Variants in LSP1 observed in about 807,000 individuals in gnomAD.
LSP1 encodes lymphocyte-specific protein 1.
In LSP1, 32 loss-of-function variants were observed where a neutral mutation model predicts 49.3. The ratio of observed to expected loss-of-function variants is 0.65; its 90% confidence interval spans 0.49 to 0.87. LSP1 has a LOEUF of 0.87. Among genes scored for constraint, LSP1 ranks in the 40% least tolerant of loss-of-function variants. LSP1 has a pLI of 0.00. For synonymous variants in LSP1, 179 were observed against 178.8 expected (o/e 1.00, Z -0.01); for missense variants, 428 against 442.6 (o/e 0.97, Z 0.30).
chr11:1,856,694 C>A (rs933738672), intron 1 of LSP1, among the ~76,000 whole-genome samples: 4 of 152,236 alleles, frequency 2.6e-5, no homozygotes, highest in African/African-American at 9.6e-5. Context: ...CCCCCGGCAG[C>A]CCCCTGGAAG....
chr11:1,878,630 G>A (rs1449159942), intron 1 of LSP1, among the ~76,000 whole-genome samples: 2 of 152,118 alleles, frequency 1.3e-5, no homozygotes, highest in Non-Finnish European at 2.9e-5. Context: ...ATTAGATCAC[G>A]CGCTGGCAGG....
chr11:1,876,576 A>G (rs545935710), intron 1 of LSP1: 28 of 985,560 alleles, frequency 2.8e-5, no homozygotes, highest in Middle Eastern at 5.2e-4. Flanking sequence ...AGCTGCCTGC[A>G]GGGGGCAGAG....
At position 1,862,608 on chromosome 11, in the gene LSP1, G is replaced by A. The variant is rs555805055; in HGVS notation, c.53+9411G>A. On this transcript the variant is annotated intron_variant, in intron 1 of 10. Transcript: ENST00000311604. ...CCAGGTAATCTCACCTTACCTGGGT[G>A]ATCTGTCCTCCCTGAGTGATCTCAG... Among the ~76,000 whole-genome samples the A allele has an allele frequency of 5.9e-5, 9 of 152,182 alleles. 1 individual carries two copies. In the South Asian group the frequency reaches 1.9e-3, roughly 32 times the overall value.
chr11:1,875,108 G>T (rs180792422), intron 1 of LSP1, among the ~76,000 whole-genome samples: 1 of 151,334 alleles, frequency 6.6e-6, no homozygotes, highest in Non-Finnish European at 1.5e-5. Context: ...AAGCCCATGG[G>T]GGGCAGAGCC....
intron 2 of LSP1, among the ~76,000 whole-genome samples, chr11:1,880,522 C>A (rs1318117390): frequency 2.0e-5 from 3 of 152,152 alleles, no homozygotes; most frequent in Non-Finnish European, 4.4e-5. Flanking sequence ...CCTGGCCGAG[C>A]CCCCCACCAG....
intron 10 of LSP1, chr11:1,888,776 A>C: frequency 4.8e-6 from 1 of 207,774 alleles, no homozygotes; most frequent in Non-Finnish European, 9.5e-6. Flanking sequence ...AAAAGGGAGG[A>C]TCAGTGAGAG....
chr11:1,890,433 A>G (rs1241028828), intron 10 of LSP1: 2 of 717,014 alleles, frequency 2.8e-6, no homozygotes, highest in African/African-American at 3.5e-5. Context: ...TGTGCCTCCC[A>G]TCATCTTCTT....
intron 1 of LSP1, among the ~76,000 whole-genome samples, chr11:1,857,159 C>A (rs1364857423): frequency 3.3e-5 from 5 of 152,208 alleles, no homozygotes; most frequent in African/African-American, 1.2e-4. Flanking sequence ...TCCACCGACA[C>A]CCAGCTGGGC....
At chr11:1,856,393 A>T (rs1387394127) in intron 1 of LSP1, among the ~76,000 whole-genome samples, 2 of 152,318 alleles carry the variant, frequency 1.3e-5, no homozygotes, top group East Asian at 3.9e-4. Flanking sequence ...GAGCCCTGGC[A>T]CATGCCCCTC....
chr11:1,891,377 A>C (rs896710654), intron 10 of LSP1: 2 of 152,418 alleles, frequency 1.3e-5, no homozygotes, highest in South Asian at 2.1e-4. Flanking sequence ...CTGCCAAGGC[A>C]AGAACAGAGC....
At chr11:1,885,640 G>A (rs191345520) in intron 7 of LSP1, among the ~76,000 whole-genome samples, 26 of 150,738 alleles carry the variant, frequency 1.7e-4, no homozygotes, top group African/African-American at 6.1e-4. Flanking sequence ...ATCTAATCAG[G>A]ACATCTCCAT....
rs577254760 is a variant in LSP1 at position 1,854,518 on chromosome 11, G to A, written c.53+1321G>A. On this transcript the variant is annotated intron_variant, in intron 1 of 10. Transcript: ENST00000311604. The stretch of plus-strand genomic sequence containing the variant: ...TTGCTGTGGGTCTGGTATGTGTGAG[G>A]GGTCTGCATCTCTGACTTCTTGCTG... Among the ~76,000 whole-genome samples the A allele has an allele frequency of 3.9e-5, 6 of 152,304 alleles. No homozygotes were observed. The East Asian group carries it at 1.2e-3, about 29-fold the overall frequency.
chr11:1,891,622 TCTC>T (rs1162782157), intron 10 of LSP1, 148 bp from the exon 11 acceptor site: 1 of 153,116 alleles, frequency 6.5e-6, no homozygotes, highest in Non-Finnish European at 1.5e-5. Flanking sequence ...CAGGACGTCT[TCTC>T]CTGTGGTGGA....
At chr11:1,890,417 G>T in intron 10 of LSP1, 1 of 717,200 alleles carries the variant, frequency 1.4e-6, no homozygotes, top group Non-Finnish European at 2.6e-6. Flanking sequence ...TGGGTGGAGC[G>T]AGGTGTGTGC....
chr11:1,869,230 G>A (rs12225589), intron 1 of LSP1: 3,513 of 232,926 alleles, frequency 0.015, 207 homozygotes, highest in Admixed American at 0.11. Flanking sequence ...TGGTGCTTGC[G>A]GAGGTGAGAT....
intron 1 of LSP1, among the ~76,000 whole-genome samples, chr11:1,861,800 T>C (rs1411318959): frequency 6.6e-6 from 1 of 150,870 alleles, no homozygotes; most frequent in Non-Finnish European, 1.5e-5. Context: ...GATAGATGGA[T>C]GGATGAATAG....
At chr11:1,853,889 G>A (rs547817863) in intron 1 of LSP1, among the ~76,000 whole-genome samples, 5 of 152,288 alleles carry the variant, frequency 3.3e-5, no homozygotes, top group African/African-American at 1.2e-4. Flanking sequence ...GCCTCCTAGC[G>A]GGCAGCTGTA....
intron 1 of LSP1, among the ~76,000 whole-genome samples, chr11:1,854,081 C>G (rs1847428042): frequency 6.6e-6 from 1 of 152,106 alleles, no homozygotes. Context: ...GATGGGAGGG[C>G]TCAGGGCGTG....
At chr11:1,867,306 A>G (rs1056079892) in intron 1 of LSP1, among the ~76,000 whole-genome samples, 2 of 152,060 alleles carry the variant, frequency 1.3e-5, no homozygotes, top group Admixed American at 6.5e-5. Flanking sequence ...CACCCCCTCC[A>G]GGACACAGAC....
Sources: allele counts gnomAD v4.1 joint callset (sites outside exome capture counted in the v4.1 genomes callset), GRCh38; gene constraint gnomAD v4.1.1; transcripts MANE v1.5; gene names NCBI Gene and HGNC (gene_info 2026-07-23, HGNC 2026-07-21).